SLC35F3: variants seen among roughly 807,000 people sequenced by gnomAD.
The protein encoded by SLC35F3 is solute carrier family 35 member F3.
A neutral mutation model predicts 49.9 loss-of-function variants in SLC35F3; 25 were observed. The ratio of observed to expected loss-of-function variants is 0.50; its 90% CI spans 0.37 to 0.70. The LOEUF (loss-of-function observed/expected upper bound fraction) is 0.70. Ranked by LOEUF, SLC35F3 falls within the 30% of genes least tolerant of loss-of-function variation. The pLI is 0.00. For synonymous variants in SLC35F3, 275 were observed against 265.4 expected (o/e 1.04, Z -0.35); for missense variants, 525 against 639.8 (o/e 0.82, Z 1.94).
At chr1:234,089,172 C>A (rs1416427215) in intron 2 of SLC35F3, among the ~76,000 whole-genome samples, 1 of 151,800 alleles carries the variant, frequency 6.6e-6, no homozygotes, top group East Asian at 1.9e-4. Flanking sequence ...ACACACTTTT[C>A]CACCGAGCAT....
intron 2 of SLC35F3, among the ~76,000 whole-genome samples, chr1:234,002,169 TAC>T (rs781541018): frequency 1.6e-3 from 239 of 152,334 alleles, no homozygotes; most frequent in Non-Finnish European, 3.0e-3. Flanking sequence ...GTGAAGATAG[TAC>T]AGAGAGTTCC....
At chr1:234,089,117 G>A (rs1460420068) in intron 2 of SLC35F3, among the ~76,000 whole-genome samples, 1 of 151,986 alleles carries the variant, frequency 6.6e-6, no homozygotes, top group Non-Finnish European at 1.5e-5. Context: ...ACGAGGCAGT[G>A]TTGGCATTAA....
At chr1:234,314,497 A>G (rs1051357156) in intron 4 of SLC35F3, among the ~76,000 whole-genome samples, 6 of 152,208 alleles carry the variant, frequency 3.9e-5, no homozygotes, top group Non-Finnish European at 2.9e-5. Flanking sequence ...ACAGTGGCTC[A>G]TGCCTATAAT....
chr1:234,186,971 T>C (rs1161912791), intron 2 of SLC35F3, among the ~76,000 whole-genome samples: 1 of 152,160 alleles, frequency 6.6e-6, no homozygotes, highest in African/African-American at 2.4e-5. Context: ...TGTGTCTCTC[T>C]CATTCCTCCT....
chr1:234,048,411 T>G (rs2102856222), intron 2 of SLC35F3, among the ~76,000 whole-genome samples: 1 of 152,302 alleles, frequency 6.6e-6, no homozygotes, highest in South Asian at 2.1e-4. Context: ...GAGATTATAC[T>G]GGCAGAGACA....
intron 2 of SLC35F3, among the ~76,000 whole-genome samples, chr1:234,120,018 G>A (rs1355417770): frequency 6.6e-6 from 1 of 152,198 alleles, no homozygotes; most frequent in African/African-American, 2.4e-5. Flanking sequence ...GTGCTGGCAG[G>A]TGCATGGGGA....
intron 2 of SLC35F3, among the ~76,000 whole-genome samples, chr1:234,161,045 AG>A (rs1666220128): frequency 6.6e-6 from 1 of 152,162 alleles, no homozygotes; most frequent in Admixed American, 6.5e-5. Context: ...ACGATGGCCC[AG>A]GCTCCAGACA....
intron 2 of SLC35F3, among the ~76,000 whole-genome samples, chr1:233,933,549 A>G (rs1484481113): frequency 3.3e-5 from 5 of 152,086 alleles, no homozygotes; most frequent in Non-Finnish European, 5.9e-5. Flanking sequence ...GGTGAAGAGC[A>G]TTTCAGGGGT....
intron 2 of SLC35F3, among the ~76,000 whole-genome samples, chr1:234,147,217 C>T (rs574648864): frequency 1.3e-4 from 18 of 140,310 alleles, no homozygotes; most frequent in African/African-American, 5.1e-4. Flanking sequence ...ACATAGTTTG[C>T]CCTTTCTATT....
intron 2 of SLC35F3, among the ~76,000 whole-genome samples, chr1:234,182,275 A>T (rs1306521263): frequency 6.6e-6 from 1 of 151,920 alleles, no homozygotes. Context: ...TTTTGACCTG[A>T]CTCTTTGAGA....
chr1:234,045,989 C>G (rs1664285570), intron 2 of SLC35F3, among the ~76,000 whole-genome samples: 1 of 152,114 alleles, frequency 6.6e-6, no homozygotes, highest in Non-Finnish European at 1.5e-5. Context: ...TATTCAACTA[C>G]AATACTCCAT....
At position 234,214,815 on chromosome 1, in the gene SLC35F3, C is replaced by G. The variant is rs375290873; in HGVS notation, c.284-16602C>G. 4.6e-4 allele frequency: 217 copies of G among 469,938 alleles called. 1 individual carries two copies. Among genetic ancestry groups the G allele is most frequent in the African/African-American group, 3.8e-3 (185 of 48,902 alleles). The allele number at this position is 469,938 out of a possible 1,614,324, so 29.1% of individuals were successfully genotyped here. A position where few individuals can be genotyped will look rare whatever the true frequency, so the allele number is the denominator to read the frequency against. ...GGCGAGTGAGCACCCGGCTCCCCAA[C>G]CCTCTCCTTCCTGGGCAGCACCCAG... is the stretch of plus-strand genomic sequence containing the variant. On this transcript the variant is annotated intron_variant, in intron 2 of 7. Transcript: ENST00000366618. This position sits in a 1 kb window ranked among gnomAD's most constrained non-coding sequence, Gnocchi z 8.0.
chr1:234,155,295 G>A (rs1167827526), intron 2 of SLC35F3, among the ~76,000 whole-genome samples: 1 of 152,060 alleles, frequency 6.6e-6, no homozygotes, highest in Non-Finnish European at 1.5e-5. Flanking sequence ...GGGACAGATT[G>A]TCTAATAAAG....
At chr1:234,131,556 C>T (rs1041922535) in intron 2 of SLC35F3, among the ~76,000 whole-genome samples, 4 of 152,082 alleles carry the variant, frequency 2.6e-5, no homozygotes, top group African/African-American at 9.7e-5. Context: ...CAAAAGTAAA[C>T]CGGACATGGA....
intron 2 of SLC35F3, among the ~76,000 whole-genome samples, chr1:234,055,184 C>T (rs1248330353): frequency 6.6e-6 from 1 of 152,178 alleles, no homozygotes; most frequent in Non-Finnish European, 1.5e-5. Context: ...CAGGCAGAGA[C>T]GTTTAAGTCT....
chr1:234,214,647 G>A lies in SLC35F3; in HGVS notation c.284-16770G>A. 6.8e-7 allele frequency: 1 copy of A among 1,471,598 alleles called. No individual in the cohort carries two copies. Among genetic ancestry groups the A allele is most frequent in the South Asian group, 1.3e-5 (1 of 75,808 alleles). The allele number at this position is 1,471,598 out of a possible 1,614,324, so 91.2% of individuals were successfully genotyped here. A position where few individuals can be genotyped will look rare whatever the true frequency, so the allele number is the denominator to read the frequency against. On this transcript the variant is annotated intron_variant, in intron 2 of 7. Transcript: ENST00000366618. This position sits in a 1 kb window ranked among gnomAD's most constrained non-coding sequence, Gnocchi z 8.0. The stretch of plus-strand genomic sequence containing the variant: ...GAATGCTGCCACCCTGAGGGGGGCT[G>A]TCTGGCTGCGGGGCGCCGGGGCTGG...
intron 3 of SLC35F3, chr1:234,274,477 A>T (rs1668164693): frequency 6.6e-6 from 1 of 152,258 alleles, no homozygotes; most frequent in African/African-American, 2.4e-5. Context: ...CAACATTACA[A>T]AGAAACTCGA....
intron 2 of SLC35F3, among the ~76,000 whole-genome samples, chr1:234,074,853 G>T (rs1558222192): frequency 6.6e-6 from 1 of 152,200 alleles, no homozygotes; most frequent in Admixed American, 6.5e-5. Context: ...GGAAATCCAG[G>T]TGACACTGAT....
intron 3 of SLC35F3, among the ~76,000 whole-genome samples, chr1:234,275,588 T>TAGAC (rs201072351): frequency 2.0e-5 from 3 of 150,584 alleles, no homozygotes; most frequent in Non-Finnish European, 4.4e-5. Context: ...GGTAGGTAGA[T>TAGAC]AGACAGACAG....
Sources: gnomAD v4.1 joint callset for allele counts (sites outside exome capture counted in the v4.1 genomes callset) on GRCh38, gnomAD v4.1.1 for gene constraint, Gnocchi (gnomAD v3.1) non-coding constraint, MANE v1.5 for transcripts, NCBI Gene and HGNC (gene_info 2026-07-23, HGNC 2026-07-21) for gene names.